The following PLD1 variants were observed in gnomAD, a reference collection of about 807,000 sequenced individuals.
PLD1 encodes the protein choline phosphatase 1.
PLD1 carries 112 observed loss-of-function variants against 137.1 expected under a neutral mutation model. That is an observed-to-expected ratio of 0.82 (90% CI 0.70 to 0.96). The LOEUF is 0.96. Ranked by LOEUF, PLD1 falls within the 40% of genes least tolerant of loss-of-function variation. The probability of loss-of-function intolerance (pLI) is 0.00; values close to 1 mark genes in which losing one functional copy is unlikely to be tolerated. For synonymous variants in PLD1, 431 were observed against 454.7 expected (o/e 0.95, Z 0.66); for missense variants, 1,321 against 1,342.0 (o/e 0.98, Z 0.24).
At chr3:171,606,137 A>G (rs1470687155) in intron 25 of PLD1, among the ~76,000 whole-genome samples, 2 of 152,206 alleles carry the variant, frequency 1.3e-5, no homozygotes, top group African/African-American at 4.8e-5. Flanking sequence ...AGATGAAGAT[A>G]GAGCCAACAG....
At position 171,735,517 on chromosome 3, in the gene PLD1, T is replaced by C. The variant is rs748779993; in HGVS notation, c.409A>G (p.Ile137Val). 2 of 1,613,682 alleles carry C rather than the reference T, an allele frequency of 1.2e-6. No individual in the cohort carries two copies. Among genetic ancestry groups the C allele is most frequent in the Non-Finnish European group, 1.7e-6 (2 of 1,179,566 alleles). The change falls in exon 4 of 27, where the codon ATC becomes GTC. Residue 137 changes from isoleucine to valine, a missense_variant. Transcript: ENST00000351298. ...CTTCTAGTGGGAATGGGGATGCGGA[T>C]AAAGGCTTTGTACTTGAGCAGCTCT... ...HRELLKYKAF[I>V]RIPIPTRRHT...
chr3:171,674,680 T>C (rs898680258), intron 18 of PLD1, 67 bp from the exon 19 acceptor site: 4 of 958,254 alleles, frequency 4.2e-6, no homozygotes, highest in Non-Finnish European at 6.5e-6. Flanking sequence ...ACTTTGTGAT[T>C]ATAAAAGAAA....
chr3:171,628,070 G>T (rs1174073785), intron 23 of PLD1, among the ~76,000 whole-genome samples: 1 of 151,816 alleles, frequency 6.6e-6, no homozygotes, highest in Non-Finnish European at 1.5e-5. Flanking sequence ...ATGAATCCAG[G>T]AGCTGGTTTT....
intron 16 of PLD1, among the ~76,000 whole-genome samples, chr3:171,680,485 C>T (rs1037834955): frequency 2.0e-5 from 3 of 151,966 alleles, no homozygotes; most frequent in Non-Finnish European, 4.4e-5. Flanking sequence ...CTGCCTGCCT[C>T]GGCCTCCCAA....
intron 23 of PLD1, among the ~76,000 whole-genome samples, chr3:171,640,752 G>T (rs1315348835): frequency 6.6e-6 from 1 of 152,136 alleles, no homozygotes; most frequent in Non-Finnish European, 1.5e-5. Flanking sequence ...CTGGGCCGTT[G>T]CACACAGCCC....
intron 9 of PLD1, among the ~76,000 whole-genome samples, chr3:171,712,659 C>T (rs1717357084): frequency 6.6e-6 from 1 of 152,072 alleles, no homozygotes; most frequent in Non-Finnish European, 1.5e-5. Flanking sequence ...GGGGATCTTA[C>T]ACCAGGAAGG....
chr3:171,656,463 GC>G (rs1347311163), intron 21 of PLD1, among the ~76,000 whole-genome samples: 2 of 152,314 alleles, frequency 1.3e-5, no homozygotes, highest in South Asian at 2.1e-4. Flanking sequence ...GAGCCACCAT[GC>G]CCAGCCTAAT....
chr3:171,796,541 C>G (rs1456797050), intron 1 of PLD1, among the ~76,000 whole-genome samples: 1 of 152,218 alleles, frequency 6.6e-6, no homozygotes, highest in Non-Finnish European at 1.5e-5. Context: ...TTTTGTACTA[C>G]TGTGTTCTAT....
At chr3:171,644,810 C>T in intron 22 of PLD1, 100 bp downstream of exon 22, 1 of 757,808 alleles carries the variant, frequency 1.3e-6, no homozygotes, top group South Asian at 1.5e-5. Flanking sequence ...ATTTGTTCCC[C>T]ACTCCACCGA....
intron 7 of PLD1, 119 bp downstream of exon 7, chr3:171,725,899 G>A (rs1718469026): frequency 2.8e-6 from 2 of 713,360 alleles, no homozygotes; most frequent in Non-Finnish European, 5.1e-6. Context: ...CTAACTACTG[G>A]GGAGAAGAGA....
At chr3:171,696,853 C>T (rs563957077) in intron 12 of PLD1, among the ~76,000 whole-genome samples, 37 of 152,072 alleles carry the variant, frequency 2.4e-4, no homozygotes, top group African/African-American at 8.2e-4. Flanking sequence ...TATCGCTACC[C>T]ACAGTTTAAA....
rs1264639463 is a variant in PLD1 at position 171,653,181 on chromosome 3, T to C, written c.2429+6032A>G. ...TACACAACCAATCCCATAAAGTTGATACAAAGACTGAATGAGGTAACACAG... is the reference window on the plus strand; with the variant it reads ...TACACAACCAATCCCATAAAGTTGACACAAAGACTGAATGAGGTAACACAG... On this transcript the variant is annotated intron_variant, in intron 21 of 26. Coordinates refer to ENST00000351298, the MANE Select transcript of PLD1 (RefSeq NM_002662.5). 2.0e-5 allele frequency: 3 copies of C among 152,322 alleles called. 1 individual carries two copies. The highest frequency in any genetic ancestry group is 4.1e-4 in the South Asian group (2 of 4,830). 9.4% of individuals were successfully genotyped at this position (152,322 alleles called of 1,614,324 possible).
intron 21 of PLD1, among the ~76,000 whole-genome samples, chr3:171,648,447 G>A (rs910957649): frequency 6.6e-6 from 1 of 151,942 alleles, no homozygotes; most frequent in African/African-American, 2.4e-5. Context: ...AAGAATATAT[G>A]TATTTTTTCC....
chr3:171,627,566 A>G (rs1267436817), intron 23 of PLD1, among the ~76,000 whole-genome samples: 1 of 151,688 alleles, frequency 6.6e-6, no homozygotes, highest in Non-Finnish European at 1.5e-5. Flanking sequence ...ATTTTTTTTC[A>G]GCATCACACC....
intron 1 of PLD1, among the ~76,000 whole-genome samples, chr3:171,807,771 T>G (rs200792223): frequency 6.6e-6 from 1 of 152,240 alleles, no homozygotes; most frequent in East Asian, 1.9e-4. Context: ...ACACACAAAT[T>G]CATATGTTCA....
At chr3:171,699,934 C>A in intron 11 of PLD1, 108 bp from the exon 12 acceptor site, 1 of 813,444 alleles carries the variant, frequency 1.2e-6, no homozygotes, top group Non-Finnish European at 2.1e-6. Context: ...CATTATCATC[C>A]TCCATTGTGA....
At chr3:171,763,735 T>A (rs2108312683) in intron 1 of PLD1, among the ~76,000 whole-genome samples, 1 of 152,194 alleles carries the variant, frequency 6.6e-6, no homozygotes, top group Non-Finnish European at 1.5e-5. Context: ...TTTAATGTTA[T>A]GCAAATATTC....
chr3:171,754,525 T>A (rs1225455904), intron 1 of PLD1, among the ~76,000 whole-genome samples: 1 of 152,194 alleles, frequency 6.6e-6, no homozygotes, highest in Non-Finnish European at 1.5e-5. Context: ...GTTACTGCCT[T>A]CATATTCAGA....
At chr3:171,604,070 G>A (rs917105927) in intron 26 of PLD1, among the ~76,000 whole-genome samples, 1 of 152,130 alleles carries the variant, frequency 6.6e-6, no homozygotes, top group Non-Finnish European at 1.5e-5. Flanking sequence ...CAGGCGCATT[G>A]GGTCATGCCT....
Sources: allele counts gnomAD v4.1 joint callset (sites outside exome capture counted in the v4.1 genomes callset), GRCh38; gene constraint gnomAD v4.1.1; transcripts MANE v1.5; gene names NCBI Gene and HGNC (gene_info 2026-07-23, HGNC 2026-07-21).